The following RAB3GAP1 variants were observed in gnomAD, a reference collection of about 807,000 sequenced individuals.
The protein encoded by RAB3GAP1 is rab3 GTPase-activating protein catalytic subunit.
A neutral mutation model predicts 130.7 loss-of-function variants in RAB3GAP1; 86 were observed. The ratio of observed to expected loss-of-function variants is 0.66; its 90% CI spans 0.55 to 0.79. The LOEUF (loss-of-function observed/expected upper bound fraction) is 0.79, where lower values mean the gene tolerates loss of function less well. Among genes scored for constraint, RAB3GAP1 ranks in the 30% least tolerant of loss-of-function variants. RAB3GAP1 has a pLI of 0.00. For missense variants in RAB3GAP1, 1,029 were observed against 1,169.4 expected (o/e 0.88, Z 1.75); for synonymous variants, 367 against 401.7 (o/e 0.91, Z 1.03).
At chr2:135,070,582 A>G (rs920842375) in intron 3 of RAB3GAP1, among the ~76,000 whole-genome samples, 4 of 152,098 alleles carry the variant, frequency 2.6e-5, no homozygotes, top group African/African-American at 9.7e-5. Flanking sequence ...ATCTCGGCTC[A>G]CTGCAACCTC....
chr2:135,165,481 C>A (rs1020345395), intron 23 of RAB3GAP1, among the ~76,000 whole-genome samples: 3 of 151,492 alleles, frequency 2.0e-5, no homozygotes, highest in Non-Finnish European at 2.9e-5. Flanking sequence ...AAAAGAATTT[C>A]TATGTGTCTA....
rs1341864443 is a variant in RAB3GAP1 at position 135,135,545 on chromosome 2, T to G, written c.1555-19T>G. The G allele has an allele frequency of 6.4e-7, 1 of 1,572,620 alleles. No individual in the cohort carries two copies. The highest frequency in any genetic ancestry group is 2.2e-5 in the East Asian group (1 of 44,486). On this transcript the variant is annotated intron_variant, in intron 16 of 23. Transcript: ENST00000264158. Reference sequence around the variant, plus strand: ...TCTGTAACTAATTCAACTATAAATGTTATTTCTCTTTTCTTAAGATGTTAA... The same window carrying G: ...TCTGTAACTAATTCAACTATAAATGGTATTTCTCTTTTCTTAAGATGTTAA...
At chr2:135,163,233 G>A in intron 22 of RAB3GAP1, 132 bp downstream of exon 22, 1 of 733,758 alleles carries the variant, frequency 1.4e-6, no homozygotes, top group Non-Finnish European at 2.5e-6. Flanking sequence ...ATTGTCTAGA[G>A]ACAGAAATAA....
At chr2:135,092,505 C>T (rs1417065608) in intron 4 of RAB3GAP1, among the ~76,000 whole-genome samples, 1 of 152,182 alleles carries the variant, frequency 6.6e-6, no homozygotes, top group African/African-American at 2.4e-5. Flanking sequence ...GGCGCGATCT[C>T]AGCTCACTGC....
At chr2:135,175,416 G>C (rs1692980733), downstream of RAB3GAP1, 1 of 152,268 alleles carries the variant, frequency 6.6e-6, no homozygotes, top group African/African-American at 2.4e-5. Flanking sequence ...CAGGTGTGTG[G>C]AAGCTGCTGG....
At chr2:135,123,755 T>C (rs535668811) in intron 8 of RAB3GAP1, among the ~76,000 whole-genome samples, 4 of 152,200 alleles carry the variant, frequency 2.6e-5, no homozygotes, top group Non-Finnish European at 5.9e-5. Flanking sequence ...TAATTTCCTA[T>C]TCAGAAATTA....
At chr2:135,070,727 GA>G (rs1689447290) in intron 3 of RAB3GAP1, among the ~76,000 whole-genome samples, 1 of 151,936 alleles carries the variant, frequency 6.6e-6, no homozygotes, top group Non-Finnish European at 1.5e-5. Flanking sequence ...GGCTGGTCTC[GA>G]ACTCATGACC....
chr2:135,138,027 C>T lies in RAB3GAP1; in HGVS notation c.1923+2095C>T, dbSNP rs116294376. 3.7e-3 allele frequency among the ~76,000 whole-genome samples: 563 copies of T among 151,996 alleles called. 5 individuals are homozygous for T. The highest frequency in any genetic ancestry group is 0.013 in the African/African-American group (542 of 41,480). Reference sequence around the variant, plus strand: ...GTTTTTATAGAGGTGGGGTTTTGCCCTGTTGTCCAGGCTTGTCTTAAATTC... The same window carrying T: ...GTTTTTATAGAGGTGGGGTTTTGCCTTGTTGTCCAGGCTTGTCTTAAATTC... On this transcript the variant is annotated intron_variant, in intron 17 of 23. Transcript: ENST00000264158.
At chr2:135,066,246 T>G (rs947876949) in intron 3 of RAB3GAP1, among the ~76,000 whole-genome samples, 1 of 152,266 alleles carries the variant, frequency 6.6e-6, no homozygotes, top group Middle Eastern at 3.4e-3. Flanking sequence ...AAAAATGGTG[T>G]TTTTGTCCAG....
intron 23 of RAB3GAP1, among the ~76,000 whole-genome samples, chr2:135,165,349 T>C (rs552069460): frequency 1.3e-5 from 2 of 152,326 alleles, no homozygotes; most frequent in Non-Finnish European, 2.9e-5. Context: ...TCAGGGCTCA[T>C]TAATATTAGG....
At chr2:135,117,663 G>GCTTCTTCTGCTTCTGCTT (rs1553445303) in intron 7 of RAB3GAP1, among the ~76,000 whole-genome samples, 2 of 39,852 alleles carry the variant, frequency 5.0e-5, no homozygotes, top group Admixed American at 2.9e-4. Flanking sequence ...TGCTTCTTCT[G>GCTTCTTCTGCTTCTGCTT]CTTCTGCTTC....
At chr2:135,166,913 T>C (rs1692672404) in intron 23 of RAB3GAP1, among the ~76,000 whole-genome samples, 1 of 152,222 alleles carries the variant, frequency 6.6e-6, no homozygotes, top group African/African-American at 2.4e-5. Flanking sequence ...ATCTACATTA[T>C]GTCATTTAAG....
intron 8 of RAB3GAP1, among the ~76,000 whole-genome samples, chr2:135,122,632 T>C (rs1262191619): frequency 6.6e-6 from 1 of 152,218 alleles, no homozygotes; most frequent in Admixed American, 6.5e-5. Context: ...GAACATATAA[T>C]ATGGATGAGA....
intron 17 of RAB3GAP1, chr2:135,137,003 AG>A (rs1691694591): frequency 8.7e-6 from 2 of 230,272 alleles, no homozygotes; most frequent in South Asian, 1.2e-4. Flanking sequence ...CTGAGGCAAG[AG>A]TATTGAGCCC....
chr2:135,174,750 A>G (rs890801392), downstream of RAB3GAP1, among the ~76,000 whole-genome samples: 1 of 152,248 alleles, frequency 6.6e-6, no homozygotes, highest in African/African-American at 2.4e-5. Context: ...GCCTATATGA[A>G]AAAATGAAAT....
intron 3 of RAB3GAP1, among the ~76,000 whole-genome samples, chr2:135,074,113 G>C (rs565963380): frequency 6.6e-6 from 1 of 152,322 alleles, no homozygotes; most frequent in East Asian, 1.9e-4. Flanking sequence ...CCAGGTAGGA[G>C]GGGAAAGGGA....
rs752667359 is a variant in RAB3GAP1, at chr2:135,134,005, C to T, written c.1471C>T (p.Arg491Ter). ...WQEFVLEMRF[R>*]WENNFLIPGL... ...GGAATTTGTTCTTGAAATGCGTTTC[C>T]GATGGGAAAACAACTTTCTGATTCC... The change falls in exon 15 of 24, where the codon CGA becomes TGA. Residue 491 changes from arginine to a stop codon, truncating the protein, a stop_gained. Coordinates refer to ENST00000264158, the MANE Select transcript of RAB3GAP1 (RefSeq NM_012233.3). LOFTEE classifies it high-confidence loss of function. 19 of 1,613,680 alleles carry T rather than the reference C, an allele frequency of 1.2e-5. No individual in the cohort carries two copies. Among genetic ancestry groups the T allele is most frequent in the African/African-American group, 2.7e-5 (2 of 74,900 alleles).
Position 135,143,556 on chromosome 2 carries a change from CT to C in RAB3GAP1, c.1924-6794del, listed in dbSNP as rs770650929. Among the ~76,000 whole-genome samples the C allele has an allele frequency of 2.0e-3, 272 of 135,096 alleles. 2 individuals carry two copies. Among genetic ancestry groups the C allele is most frequent in the African/African-American group, 5.1e-3 (178 of 34,988 alleles). The allele number at this position is 135,096 out of a possible 152,430, so 88.6% of individuals were successfully genotyped here. ...TCAACCTTTCTTCTGTAACATGCTA[CT>C]TTTTTTTTTTTTTTTTTTGAGACGG... On this transcript the variant is annotated intron_variant, in intron 17 of 23. Coordinates refer to ENST00000264158, the MANE Select transcript of RAB3GAP1 (RefSeq NM_012233.3).
intron 5 of RAB3GAP1, among the ~76,000 whole-genome samples, chr2:135,108,001 A>C (rs975205993): frequency 1.5e-3 from 212 of 143,622 alleles, no homozygotes; most frequent in Non-Finnish European, 2.2e-3. Flanking sequence ...AAAAAAAAAA[A>C]ACTACACAAA....
Sources: gnomAD v4.1 joint callset for allele counts (sites outside exome capture counted in the v4.1 genomes callset) on GRCh38, gnomAD v4.1.1 for gene constraint, MANE v1.5 for transcripts, NCBI Gene and HGNC (gene_info 2026-07-23, HGNC 2026-07-21) for gene names.